Variants in MED26 observed in about 807,000 individuals in gnomAD.
MED26 encodes mediator of RNA polymerase II transcription subunit 26.
In MED26, 7 loss-of-function variants were observed where a neutral mutation model predicts 43.7. The observed-to-expected ratio is 0.16, with a 90% confidence interval of 0.09 to 0.30. The LOEUF (loss-of-function observed/expected upper bound fraction) is 0.30, where lower values mean the gene tolerates loss of function less well. MED26 is among the 10% of genes least tolerant of loss of function. MED26 has a pLI of 1.00. For synonymous variants in MED26, 375 were observed against 371.1 expected (o/e 1.01, Z -0.12); for missense variants, 784 against 840.6 (o/e 0.93, Z 0.83).
At chr19:16,588,471 T>C (rs2086081162) in intron 1 of MED26, 1 of 152,396 alleles carries the variant, frequency 6.6e-6, no homozygotes, top group Non-Finnish European at 1.5e-5. Flanking sequence ...AGATCCTAGC[T>C]GAGGCTGGGC....
chr19:16,593,250 C>T (rs1234927676), intron 1 of MED26, among the ~76,000 whole-genome samples: 2 of 152,194 alleles, frequency 1.3e-5, no homozygotes, highest in East Asian at 1.9e-4. Context: ...GCCAAATCAC[C>T]ACCTCACCAT....
In MED26 at chr19:16,577,254, G is replaced by A. The variant is rs765697215; in HGVS notation, c.576C>T (p.Phe192=). 21 of 1,612,964 alleles carry A rather than the reference G, an allele frequency of 1.3e-5. No individual in the cohort carries two copies. Among genetic ancestry groups the A allele is most frequent in the African/African-American group, 2.7e-5 (2 of 74,918 alleles). ...GCCCACTGCCATCCAGGGAGCTGGC[G>A]AAGCTCTCTGGACTCCCACTGATCC... The part of the protein sequence containing the change: ...TNGISGSPES[F]ASSLDGSGHA... Residue 192 remains phenylalanine, a synonymous_variant, in exon 3 of 3, where the codon TTC becomes TTT. Transcript: ENST00000263390. This position sits in a 1 kb window ranked among gnomAD's most constrained non-coding sequence, Gnocchi z 8.1.
intron 1 of MED26, among the ~76,000 whole-genome samples, chr19:16,596,046 T>C (rs1267382628): frequency 6.6e-6 from 1 of 152,226 alleles, no homozygotes; most frequent in Non-Finnish European, 1.5e-5. Flanking sequence ...GGTCTCGCCC[T>C]GTTGCCCAGA....
chr19:16,577,907 A>G lies in MED26; in HGVS notation c.148-225T>C, dbSNP rs2086020870. ...CCTTCAGGGTCCCAGGTGGCTTCTCAGCAGTGCTGTCACCCAGGCTCCTGG... is the reference window on the plus strand; with the variant it reads ...CCTTCAGGGTCCCAGGTGGCTTCTCGGCAGTGCTGTCACCCAGGCTCCTGG... On this transcript the variant is annotated intron_variant, in intron 2 of 2. Transcript: ENST00000263390. This position sits in a 1 kb window ranked among gnomAD's most constrained non-coding sequence, Gnocchi z 8.1. 2 of 498,138 alleles carry G rather than the reference A, an allele frequency of 4.0e-6. No individual in the cohort carries two copies. Among genetic ancestry groups the G allele is most frequent in the African/African-American group, 4.0e-5 (2 of 50,260 alleles). The allele number at this position is 498,138 out of a possible 1,614,324, so 30.9% of individuals were successfully genotyped here.
At chr19:16,609,121 C>T (rs2086187040) in intron 1 of MED26, among the ~76,000 whole-genome samples, 1 of 151,858 alleles carries the variant, frequency 6.6e-6, no homozygotes, top group Non-Finnish European at 1.5e-5. Context: ...TCAAGACCAG[C>T]CTGGCCAAAA....
chr19:16,593,204 T>A (rs117793882), intron 1 of MED26, among the ~76,000 whole-genome samples: 1 of 152,302 alleles, frequency 6.6e-6, no homozygotes, highest in East Asian at 1.9e-4. Context: ...GCATATTTCA[T>A]CGGCACCCTC....
chr19:16,607,448 C>T lies in MED26; in HGVS notation c.72+20424G>A, dbSNP rs144453334. On this transcript the variant is annotated intron_variant, in intron 1 of 2. Transcript: ENST00000263390. ...GCCTTCTGAAGAGGAACTCAGGGAGCAGACAGAGGGCTCACACTCATGTTG... is the reference window on the plus strand; with the variant it reads ...GCCTTCTGAAGAGGAACTCAGGGAGTAGACAGAGGGCTCACACTCATGTTG... Among the ~76,000 whole-genome samples, 49 of 151,038 alleles carry T rather than the reference C, an allele frequency of 3.2e-4. No individual in the cohort carries two copies. In the East Asian group the frequency reaches 9.2e-3, roughly 28 times the overall value.
chr19:16,607,651 T>C (rs1277498855), intron 1 of MED26, among the ~76,000 whole-genome samples: 1 of 152,216 alleles, frequency 6.6e-6, no homozygotes, highest in Non-Finnish European at 1.5e-5. Flanking sequence ...CAAGAAGCAG[T>C]GCAAGCTTGT....
rs1054755763 is a variant in MED26, at chr19:16,585,237, G to A, written c.73-6828C>T. ...CCATGCCAGCTGTCCATCCCGGTCC[G>A]ACTCTCAGGTGTCCTCACGCCTCTC... On this transcript the variant is annotated intron_variant, in intron 1 of 2. Transcript: ENST00000263390. Among the ~76,000 whole-genome samples the A allele has an allele frequency of 6.6e-5, 10 of 152,138 alleles. No individual in the cohort carries two copies. In the South Asian group the frequency reaches 8.3e-4, roughly 13 times the overall value.
rs570911315 is a variant in MED26 at position 16,587,198 on chromosome 19, T to C, written c.73-8789A>G. 2.2e-4 allele frequency: 34 copies of C among 151,940 alleles called. No homozygotes were observed. The highest frequency in any genetic ancestry group is 8.0e-4 in the African/African-American group (33 of 41,426). The allele number at this position is 151,940 out of a possible 1,614,324, so 9.4% of individuals were successfully genotyped here. The stretch of plus-strand genomic sequence containing the variant: ...GCTTTGCTGGGAGAGTGTGTGTCTG[T>C]GATTTGGTTCCCGCCACACCAAGTC... On this transcript the variant is annotated intron_variant, in intron 1 of 2. Coordinates refer to ENST00000263390, the MANE Select transcript of MED26 (RefSeq NM_004831.5). This position sits in a 1 kb window ranked among gnomAD's most constrained non-coding sequence, Gnocchi z 4.9.
chr19:16,625,251 A>G (rs2086269105), intron 1 of MED26, among the ~76,000 whole-genome samples: 1 of 152,246 alleles, frequency 6.6e-6, no homozygotes, highest in South Asian at 2.1e-4. Context: ...GCCTGCTGCT[A>G]TAGGAATTCA....
At chr19:16,613,884 C>G (rs1177298593) in intron 1 of MED26, among the ~76,000 whole-genome samples, 1 of 152,140 alleles carries the variant, frequency 6.6e-6, no homozygotes. Flanking sequence ...TCAATGAGAT[C>G]CATGCCCTGG....
intron 1 of MED26, among the ~76,000 whole-genome samples, chr19:16,627,567 G>A (rs1325771295): frequency 6.6e-6 from 1 of 152,206 alleles, no homozygotes. Context: ...GAGAAGCTTC[G>A]TCCAGAGCAG....
At chr19:16,578,478 C>T in intron 1 of MED26, 69 bp from the exon 2 acceptor site, 1 of 1,422,058 alleles carries the variant, frequency 7.0e-7, no homozygotes, top group Non-Finnish European at 9.9e-7. Context: ...CACCCTGCCC[C>T]AGCCTGCTCC....
At chr19:16,617,125 C>T (rs138299240) in intron 1 of MED26, among the ~76,000 whole-genome samples, 18 of 152,306 alleles carry the variant, frequency 1.2e-4, no homozygotes, top group Non-Finnish European at 2.6e-4. Context: ...GGTGCCCACT[C>T]GGTCACACCC....
chr19:16,593,057 C>G (rs1308175622), intron 1 of MED26, among the ~76,000 whole-genome samples: 1 of 152,228 alleles, frequency 6.6e-6, no homozygotes, highest in African/African-American at 2.4e-5. Flanking sequence ...GCCCACCAAT[C>G]CAGACACCAG....
chr19:16,607,634 T>C (rs1257595896), intron 1 of MED26, among the ~76,000 whole-genome samples: 1 of 152,156 alleles, frequency 6.6e-6, no homozygotes, highest in Non-Finnish European at 1.5e-5. Flanking sequence ...AGGTAATACA[T>C]CTGGAGCAAG....
chr19:16,610,053 G>A (rs2086192854), intron 1 of MED26, among the ~76,000 whole-genome samples: 1 of 151,504 alleles, frequency 6.6e-6, no homozygotes, highest in African/African-American at 2.4e-5. Context: ...AAGGCGGCCA[G>A]GAGTTCAAGA....
At chr19:16,617,808 GA>G (rs10708318) in intron 1 of MED26, among the ~76,000 whole-genome samples, 61,109 of 151,990 alleles carry the variant, frequency 0.4, 14,259 homozygotes, top group African/African-American at 0.65. Context: ...ATCAAGGTGA[GA>G]AAATGAAATG....
Sources: gnomAD v4.1 joint callset for allele counts (sites outside exome capture counted in the v4.1 genomes callset) on GRCh38, gnomAD v4.1.1 for gene constraint, Gnocchi (gnomAD v3.1) non-coding constraint, MANE v1.5 for transcripts, NCBI Gene and HGNC (gene_info 2026-07-23, HGNC 2026-07-21) for gene names.